Variants in ADAMTS12 observed in about 807,000 individuals in gnomAD.
ADAMTS12 encodes ADAM metallopeptidase with thrombospondin type 1 motif 12.
Under a neutral mutation model 167.8 loss-of-function variants are expected in ADAMTS12, and 118 were observed. That is an observed-to-expected ratio of 0.70 (90% CI 0.61 to 0.82). The LOEUF (loss-of-function observed/expected upper bound fraction) is 0.82, where lower values mean the gene tolerates loss of function less well. Ranked by LOEUF, ADAMTS12 falls within the 40% of genes least tolerant of loss-of-function variation. ADAMTS12 has a pLI of 0.00. For synonymous variants in ADAMTS12, 704 were observed against 716.9 expected (o/e 0.98, Z 0.29); for missense variants, 1,916 against 1,998.8 (o/e 0.96, Z 0.79).
intron 2 of ADAMTS12, among the ~76,000 whole-genome samples, chr5:33,795,399 G>A (rs887613571): frequency 1.3e-5 from 2 of 152,116 alleles, no homozygotes; most frequent in Non-Finnish European, 2.9e-5. Context: ...TGCACTAAAA[G>A]ACAAGAGACA....
chr5:33,650,524 A>G (rs1296996460), intron 7 of ADAMTS12, among the ~76,000 whole-genome samples: 1 of 152,202 alleles, frequency 6.6e-6, no homozygotes, highest in African/African-American at 2.4e-5. Context: ...TTTGTCAACA[A>G]TCATATAGCT....
chr5:33,877,087 G>C lies in ADAMTS12; in HGVS notation c.489+4032C>G, dbSNP rs534048852. On this transcript the variant is annotated intron_variant, in intron 2 of 23. Coordinates refer to ENST00000504830, the MANE Select transcript of ADAMTS12 (RefSeq NM_030955.4). ...AGTTAAAGCTGGATGGCCCTTGAGA[G>C]ATCCATGACCAGCTATTCAGATAAA... is the stretch of plus-strand genomic sequence containing the variant. Among the ~76,000 whole-genome samples, 4 of 152,332 alleles carry C rather than the reference G, an allele frequency of 2.6e-5. No homozygotes were observed. The South Asian group carries it at 6.2e-4, about 24-fold the overall frequency.
At chr5:33,542,427 C>A (rs1744753950) in intron 22 of ADAMTS12, among the ~76,000 whole-genome samples, 1 of 152,092 alleles carries the variant, frequency 6.6e-6, no homozygotes, top group Non-Finnish European at 1.5e-5. Context: ...GACTTTAACA[C>A]CCCACTGTCA....
chr5:33,720,310 A>ACACACACACT, intron 3 of ADAMTS12, among the ~76,000 whole-genome samples: 1 of 151,038 alleles, frequency 6.6e-6, no homozygotes, highest in South Asian at 2.1e-4. Flanking sequence ...ACACACACAC[A>ACACACACACT]CACGATTGCC....
At chr5:33,666,449 G>A (rs10472873) in intron 5 of ADAMTS12, among the ~76,000 whole-genome samples, 50,901 of 152,014 alleles carry the variant, frequency 0.33, 8,886 homozygotes, top group African/African-American at 0.45. Flanking sequence ...GGCTCCTCTC[G>A]ATTCCCTAGC....
At chr5:33,856,797 T>C (rs1353345512) in intron 2 of ADAMTS12, among the ~76,000 whole-genome samples, 2 of 152,220 alleles carry the variant, frequency 1.3e-5, no homozygotes, top group Admixed American at 1.3e-4. Flanking sequence ...TGTATCCTGC[T>C]GGTGGGAATG....
At chr5:33,748,906 G>A (rs776706795) in intron 3 of ADAMTS12, among the ~76,000 whole-genome samples, 4 of 152,076 alleles carry the variant, frequency 2.6e-5, no homozygotes, top group Admixed American at 6.6e-5. Flanking sequence ...AATTTTAAAC[G>A]TCATGTGTAG....
chr5:33,864,131 G>A (rs1238725102), intron 2 of ADAMTS12, among the ~76,000 whole-genome samples: 1 of 151,632 alleles, frequency 6.6e-6, no homozygotes, highest in Admixed American at 6.6e-5. Flanking sequence ...ATACCACTCA[G>A]GACAAATTTA....
intron 5 of ADAMTS12, among the ~76,000 whole-genome samples, chr5:33,676,683 T>TACACAC (rs141431526): frequency 0.22 from 30,446 of 135,918 alleles, 3,458 homozygotes; most frequent in South Asian, 0.34. Flanking sequence ...CTGTCTATCT[T>TACACAC]ACACACACAC....
At chr5:33,693,387 T>C (rs924210507) in intron 3 of ADAMTS12, among the ~76,000 whole-genome samples, 1 of 152,236 alleles carries the variant, frequency 6.6e-6, no homozygotes, top group Non-Finnish European at 1.5e-5. Flanking sequence ...TATTTATATA[T>C]GGTTATATTT....
chr5:33,639,661 C>T (rs961775262), intron 11 of ADAMTS12, among the ~76,000 whole-genome samples: 40 of 152,326 alleles, frequency 2.6e-4, no homozygotes, highest in African/African-American at 9.4e-4. Context: ...TCGTCGTCTT[C>T]CTTGATCCAA....
At chr5:33,530,915 T>C (rs1303430117) in intron 23 of ADAMTS12, among the ~76,000 whole-genome samples, 1 of 152,218 alleles carries the variant, frequency 6.6e-6, no homozygotes, top group Non-Finnish European at 1.5e-5. Context: ...TATCTGTGAA[T>C]GTGATCTGAT....
intron 1 of ADAMTS12, among the ~76,000 whole-genome samples, chr5:33,883,863 C>T (rs1347204855): frequency 6.6e-6 from 1 of 152,152 alleles, no homozygotes; most frequent in Non-Finnish European, 1.5e-5. Flanking sequence ...AATGTCTGCT[C>T]CAATCTGTAT....
chr5:33,849,391 TATATATATATGTATTGCAC>T (rs1561306667), intron 2 of ADAMTS12, among the ~76,000 whole-genome samples: 1 of 144,350 alleles, frequency 6.9e-6, no homozygotes, highest in African/African-American at 2.6e-5. Flanking sequence ...TGCACAGCAA[TATATATATATGTATTGCAC>T]AGCAATATAT....
At chr5:33,799,260 AAC>A (rs1163872754) in intron 2 of ADAMTS12, among the ~76,000 whole-genome samples, 1 of 152,200 alleles carries the variant, frequency 6.6e-6, no homozygotes, top group African/African-American at 2.4e-5. Flanking sequence ...ATTAAGTGCA[AAC>A]ACAGAATGTT....
chr5:33,807,180 T>C (rs1003818601), intron 2 of ADAMTS12, among the ~76,000 whole-genome samples: 5 of 152,212 alleles, frequency 3.3e-5, no homozygotes, highest in African/African-American at 1.2e-4. Flanking sequence ...CTTCGGCCTT[T>C]GGACTTTTGT....
intron 3 of ADAMTS12, among the ~76,000 whole-genome samples, chr5:33,738,722 A>AGGAC (rs1744452670): frequency 6.6e-6 from 1 of 152,238 alleles, no homozygotes; most frequent in South Asian, 2.1e-4. Flanking sequence ...TGGCTGAGGA[A>AGGAC]GGACGGAGCC....
intron 22 of ADAMTS12, among the ~76,000 whole-genome samples, chr5:33,538,708 A>G (rs182073091): frequency 6.6e-6 from 1 of 152,326 alleles, no homozygotes; most frequent in East Asian, 1.9e-4. Flanking sequence ...GCCAGCAGTC[A>G]GTTGCTCCTG....
intron 20 of ADAMTS12, among the ~76,000 whole-genome samples, chr5:33,554,318 CAG>C: frequency 6.6e-6 from 1 of 152,222 alleles, no homozygotes; most frequent in East Asian, 1.9e-4. Context: ...TAGGGGTAGA[CAG>C]AGAAAGATGG....
Sources: gnomAD v4.1 joint callset for allele counts (sites outside exome capture counted in the v4.1 genomes callset) on GRCh38, gnomAD v4.1.1 for gene constraint, MANE v1.5 for transcripts, NCBI Gene and HGNC (gene_info 2026-07-23, HGNC 2026-07-21) for gene names.